The following ST3GAL3 variants were observed in gnomAD, a reference collection of about 807,000 sequenced individuals.
ST3GAL3 encodes ST3 beta-galactoside alpha-2,3-sialyltransferase 3, also known as CMP-N-acetylneuraminate-beta-1,4-galactoside alpha-2,3-sialyltransferase.
A neutral mutation model predicts 50.1 loss-of-function variants in ST3GAL3; 21 were observed. That is an observed-to-expected ratio of 0.42 (90% CI 0.30 to 0.60). The LOEUF (loss-of-function observed/expected upper bound fraction) is 0.60, where lower values mean the gene tolerates loss of function less well. Ranked by LOEUF, ST3GAL3 falls within the 20% of genes least tolerant of loss-of-function variation. The pLI is 0.19. For missense variants in ST3GAL3, 353 were observed against 489.4 expected, an observed-to-expected ratio of 0.72 and a Z score of 2.63; for synonymous variants, 183 against 190.0, an observed-to-expected ratio of 0.96 and a Z score of 0.30.
At chr1:43,885,202 G>A (rs1228913789) in intron 5 of ST3GAL3, among the ~76,000 whole-genome samples, 3 of 152,138 alleles carry the variant, frequency 2.0e-5, no homozygotes, top group South Asian at 2.1e-4. Context: ...ACAGGTCTGC[G>A]AGCAGGGCAG....
chr1:43,782,694 G>A (rs1005408889), intron 2 of ST3GAL3, among the ~76,000 whole-genome samples: 2 of 152,156 alleles, frequency 1.3e-5, no homozygotes, highest in South Asian at 4.1e-4. Flanking sequence ...TACATGCCAG[G>A]CACTGTGTTC....
intron 9 of ST3GAL3, among the ~76,000 whole-genome samples, chr1:43,906,266 C>CG: frequency 7.3e-6 from 1 of 137,734 alleles, no homozygotes; most frequent in Non-Finnish European, 1.6e-5. Context: ...CCCCTGACTC[C>CG]TCCTCCTCCT....
At chr1:43,850,892 G>T in intron 5 of ST3GAL3, 13 of 1,257,884 alleles carry the variant, frequency 1.0e-5, no homozygotes, top group East Asian at 2.3e-5. Context: ...ACTCCAGGTT[G>T]TACAGAATCT....
At chr1:43,929,846 G>A (rs559310781) in intron 11 of ST3GAL3, among the ~76,000 whole-genome samples, 2 of 152,276 alleles carry the variant, frequency 1.3e-5, no homozygotes, top group South Asian at 2.1e-4. Flanking sequence ...AGGTCCTTCC[G>A]CCAGCACTGA....
intron 5 of ST3GAL3, among the ~76,000 whole-genome samples, chr1:43,853,531 T>C (rs548287608): frequency 6.6e-6 from 1 of 152,346 alleles, no homozygotes; most frequent in Non-Finnish European, 1.5e-5. Context: ...AACCGCCTTC[T>C]ACTTCCTCTC....
At chr1:43,739,292 G>C (rs1003878090) in intron 2 of ST3GAL3, 14 of 151,662 alleles carry the variant, frequency 9.2e-5, no homozygotes, top group Non-Finnish European at 1.8e-4. Context: ...GTGTGATCTC[G>C]GCTCACCGCA....
In ST3GAL3 at chr1:43,899,776, C is replaced by T; in HGVS notation, c.744+49C>T. 6.4e-7 allele frequency: 1 copy of T among 1,558,366 alleles called. No homozygotes were observed. Among genetic ancestry groups the T allele is most frequent in the Non-Finnish European group, 8.8e-7 (1 of 1,130,550 alleles). On this transcript the variant is annotated intron_variant, in intron 9 of 11. Transcript: ENST00000347631. This position sits in a 1 kb window ranked among gnomAD's most constrained non-coding sequence, Gnocchi z 5.4. ...CTTCCCCTCTTGCCCTGGGCTTCCG[C>T]AACTCCTAAGCAATCCCGCCCCTTG...
chr1:43,917,815 T>C (rs59665418), intron 9 of ST3GAL3, among the ~76,000 whole-genome samples: 5,985 of 144,556 alleles, frequency 0.041, 150 homozygotes, highest in East Asian at 0.13. Flanking sequence ...ACTACAGGTG[T>C]ATACCACCAC....
intron 5 of ST3GAL3, chr1:43,894,015 C>G: frequency 2.9e-6 from 1 of 345,326 alleles, no homozygotes; most frequent in South Asian, 2.5e-5. Context: ...GACAGTGTCT[C>G]ATCTCTGTGT....
chr1:43,759,061 G>GCACA (rs1371102406), intron 2 of ST3GAL3, among the ~76,000 whole-genome samples: 1 of 76,524 alleles, frequency 1.3e-5, no homozygotes, highest in African/African-American at 8.7e-5. Context: ...AAACAAAAGC[G>GCACA]CGCGCACACA....
At chr1:43,860,999 G>A (rs901886570) in intron 5 of ST3GAL3, among the ~76,000 whole-genome samples, 2 of 152,204 alleles carry the variant, frequency 1.3e-5, no homozygotes, top group South Asian at 2.1e-4. Context: ...TGGCCTCACC[G>A]CTGTTTCACC....
At chr1:43,720,500 AG>A (rs2154071514) in intron 1 of ST3GAL3, 1 of 152,340 alleles carries the variant, frequency 6.6e-6, no homozygotes, top group Non-Finnish European at 1.5e-5. Flanking sequence ...TCCAAGATCA[AG>A]GGGCTGGCAT....
intron 1 of ST3GAL3, among the ~76,000 whole-genome samples, chr1:43,714,990 A>G (rs1385700741): frequency 6.6e-6 from 1 of 152,134 alleles, no homozygotes; most frequent in Non-Finnish European, 1.5e-5. Context: ...ATGTATCATA[A>G]ATTTCCTCTT....
chr1:43,759,380 A>G (rs7513994), intron 2 of ST3GAL3, among the ~76,000 whole-genome samples: 122,227 of 152,200 alleles, frequency 0.8, 49,917 homozygotes, highest in African/African-American at 0.94. Context: ...GGAGGTGGAG[A>G]TTGCAGTGAG....
At chr1:43,823,952 G>C (rs2062436517) in intron 4 of ST3GAL3, among the ~76,000 whole-genome samples, 1 of 152,112 alleles carries the variant, frequency 6.6e-6, no homozygotes, top group South Asian at 2.1e-4. Context: ...ATTCAACTTA[G>C]CTTTCTGTTT....
chr1:43,921,160 C>A lies in ST3GAL3; in HGVS notation c.1038+232C>A, dbSNP rs565990349. On this transcript the variant is annotated intron_variant, in intron 11 of 11. Coordinates refer to ENST00000347631, the MANE Select transcript of ST3GAL3 (RefSeq NM_006279.5). ...GCCCTGGTCCTGCACCTCCCTCCCC[C>A]TCGCTGCATTCCCCAGTCAGGAACA... Among the ~76,000 whole-genome samples, 9 of 152,290 alleles carry A rather than the reference C, an allele frequency of 5.9e-5. No homozygotes were observed. The South Asian group carries it at 1.2e-3, about 21-fold the overall frequency.
intron 5 of ST3GAL3, among the ~76,000 whole-genome samples, chr1:43,870,665 T>A (rs1002142049): frequency 6.6e-6 from 1 of 151,924 alleles, no homozygotes; most frequent in Admixed American, 6.5e-5. Flanking sequence ...CTGGTTGACA[T>A]GAGGCTGAAT....
chr1:43,733,635 A>G (rs1676909529), intron 1 of ST3GAL3, among the ~76,000 whole-genome samples: 2 of 152,200 alleles, frequency 1.3e-5, no homozygotes, highest in Admixed American at 6.5e-5. Flanking sequence ...ATATCTGGCA[A>G]GGCAGATTCT....
chr1:43,894,284 C>T, intron 5 of ST3GAL3, 99 bp from the exon 6 acceptor site: 2 of 1,174,604 alleles, frequency 1.7e-6, no homozygotes, highest in Non-Finnish European at 2.6e-6. Context: ...GCAGAGGGGG[C>T]TTCCAGCAGA....
Sources: gnomAD v4.1 joint callset for allele counts (sites outside exome capture counted in the v4.1 genomes callset) on GRCh38, gnomAD v4.1.1 for gene constraint, Gnocchi (gnomAD v3.1) non-coding constraint, MANE v1.5 for transcripts, NCBI Gene and HGNC (gene_info 2026-07-23, HGNC 2026-07-21) for gene names.